The following GCNT2 variants were observed in gnomAD, a reference collection of about 807,000 sequenced individuals.
GCNT2 encodes glucosaminyl (N-acetyl) transferase 2 (I blood group).
In GCNT2, 34 loss-of-function variants were observed where a neutral mutation model predicts 34.2. That is an observed-to-expected ratio of 1.00 (90% CI 0.76 to 1.32). The LOEUF (loss-of-function observed/expected upper bound fraction) is 1.32, where lower values mean the gene tolerates loss of function less well. Among genes scored for constraint, GCNT2 ranks in the 40% most tolerant of loss-of-function variants. The probability of loss-of-function intolerance (pLI) is 0.00; values close to 1 mark genes in which losing one functional copy is unlikely to be tolerated. For synonymous variants in GCNT2, 212 were observed against 188.0 expected (o/e 1.13, Z -1.04); for missense variants, 584 against 489.4 (o/e 1.19, Z -1.82).
Position 10,529,398 on chromosome 6 carries a change from G to A in GCNT2, c.487G>A (p.Gly163Arg), listed in dbSNP as rs779353582. 6 of 1,613,968 alleles carry A rather than the reference G, an allele frequency of 3.7e-6. No individual in the cohort carries two copies. In the African/African-American group the frequency reaches 6.7e-5, roughly 18 times the overall value. Residue 163 changes from glycine (G) to arginine (R), a missense_variant, in exon 3 of 5, where the codon GGG becomes AGG. By Grantham distance (125) the Gly-to-Arg change is moderately radical (BLOSUM62 -2). Transcript: ENST00000495262. ...ASKKESVVYG[G>R]ISRLQADLNC... ...CAAGAAGGAGTCGGTTGTCTATGGG[G>A]GGATCTCCAGGCTCCAGGCTGACCT...
intron 3 of GCNT2, among the ~76,000 whole-genome samples, chr6:10,548,653 C>T (rs1309765124): frequency 6.6e-6 from 1 of 152,166 alleles, no homozygotes; most frequent in Non-Finnish European, 1.5e-5. Context: ...TTTTTTCTAT[C>T]TGGCTTGCTT....
At chr6:10,547,174 A>G (rs1427080755) in intron 3 of GCNT2, among the ~76,000 whole-genome samples, 4 of 152,162 alleles carry the variant, frequency 2.6e-5, no homozygotes, top group Admixed American at 6.5e-5. Flanking sequence ...TCTCTTATTC[A>G]TATATTTTTC....
At chr6:10,563,021 G>A (rs1244899829) in intron 3 of GCNT2, among the ~76,000 whole-genome samples, 1 of 152,130 alleles carries the variant, frequency 6.6e-6, no homozygotes, top group Admixed American at 6.5e-5. Context: ...AGTTGGGTGT[G>A]GTGCACGCCT....
At chr6:10,625,320 T>C (rs951304947) in intron 4 of GCNT2, among the ~76,000 whole-genome samples, 2 of 152,170 alleles carry the variant, frequency 1.3e-5, no homozygotes, top group African/African-American at 4.8e-5. Context: ...TCTTCAAAAA[T>C]CTTTAAGGAC....
rs746184434 is a variant in GCNT2, at chr6:10,528,861, A to T, written c.-51A>T. On this transcript the variant is annotated 5_prime_UTR_variant, in exon 3 of 5. Coordinates refer to ENST00000495262, the MANE Select transcript of GCNT2 (RefSeq NM_145649.5). ...GAAAATGTAAGTTAAATATATCTACACTCTGATCCTATCTCAAGAGAGAGA... is the reference window on the plus strand; with the variant it reads ...GAAAATGTAAGTTAAATATATCTACTCTCTGATCCTATCTCAAGAGAGAGA... The T allele has an allele frequency of 1.1e-4, 145 of 1,379,514 alleles. No homozygotes were observed. The highest frequency in any genetic ancestry group is 1.4e-5 in the Non-Finnish European group (14 of 967,740). The allele number at this position is 1,379,514 out of a possible 1,614,324, so 85.5% of individuals were successfully genotyped here.
intron 3 of GCNT2, among the ~76,000 whole-genome samples, chr6:10,617,967 C>G (rs1442998484): frequency 6.6e-6 from 1 of 151,572 alleles, no homozygotes. Flanking sequence ...GTTGGACAGG[C>G]TGGTCTTGAA....
chr6:10,618,023 G>A (rs1765870103), intron 3 of GCNT2, among the ~76,000 whole-genome samples: 1 of 152,088 alleles, frequency 6.6e-6, no homozygotes, highest in Non-Finnish European at 1.5e-5. Context: ...CCAAAGTGCT[G>A]GGATTACAGG....
At chr6:10,606,146 C>T (rs1765301921) in intron 3 of GCNT2, among the ~76,000 whole-genome samples, 1 of 152,248 alleles carries the variant, frequency 6.6e-6, no homozygotes, top group Non-Finnish European at 1.5e-5. Flanking sequence ...GAAACCCTGT[C>T]TCTACTAAAA....
intron 3 of GCNT2, among the ~76,000 whole-genome samples, chr6:10,620,616 A>G (rs1490638543): frequency 2.0e-5 from 3 of 152,144 alleles, no homozygotes; most frequent in Non-Finnish European, 4.4e-5. Flanking sequence ...TAGGTTGCCC[A>G]GGGATCTTCT....
At chr6:10,621,512 C>T (rs1766035938) in intron 4 of GCNT2, 69 bp downstream of exon 4, 1 of 966,602 alleles carries the variant, frequency 1.0e-6, no homozygotes, top group Admixed American at 1.9e-5. Context: ...CTGTGGAATC[C>T]AGGGTTCTCA....
At chr6:10,544,540 G>A (rs1405699290) in intron 3 of GCNT2, among the ~76,000 whole-genome samples, 1 of 151,150 alleles carries the variant, frequency 6.6e-6, no homozygotes, top group Non-Finnish European at 1.5e-5. Context: ...GGAGGCGGAG[G>A]TTGCAGTGAG....
intron 3 of GCNT2, among the ~76,000 whole-genome samples, chr6:10,620,261 T>G (rs1765974629): frequency 6.6e-6 from 1 of 152,212 alleles, no homozygotes; most frequent in Admixed American, 6.5e-5. Flanking sequence ...TATTGAAATT[T>G]GGGTACAGAT....
intron 3 of GCNT2, among the ~76,000 whole-genome samples, chr6:10,549,186 C>A (rs972786985): frequency 1.3e-5 from 2 of 152,208 alleles, no homozygotes; most frequent in African/African-American, 2.4e-5. Context: ...CAACACACAG[C>A]CCTCACAACA....
chr6:10,531,833 T>A (rs1056100105), intron 3 of GCNT2, among the ~76,000 whole-genome samples: 1 of 149,978 alleles, frequency 6.7e-6, no homozygotes, highest in African/African-American at 2.4e-5. Flanking sequence ...ACACAGCAGT[T>A]CCAAAGAGAG....
rs1387571547 is a variant in GCNT2, at chr6:10,628,585, A to T, written c.*1978A>T. The stretch of plus-strand genomic sequence containing the variant: ...AAGCACAAACTGCCATTGGCTATAG[A>T]TGGGACTGTGTCCCCCCAAAATTCA... On this transcript the variant is annotated 3_prime_UTR_variant, in exon 5 of 5. Transcript: ENST00000495262. The T allele has an allele frequency of 6.6e-6, 1 of 152,228 alleles. No homozygotes were observed. Among genetic ancestry groups the T allele is most frequent in the Non-Finnish European group, 1.5e-5 (1 of 68,048 alleles). The allele number at this position is 152,228 out of a possible 1,614,324, so 9.4% of individuals were successfully genotyped here. A position where few individuals can be genotyped will look rare whatever the true frequency, so the allele number is the denominator to read the frequency against.
chr6:10,620,274 C>T (rs1361360118), intron 3 of GCNT2, among the ~76,000 whole-genome samples: 1 of 152,162 alleles, frequency 6.6e-6, no homozygotes, highest in East Asian at 1.9e-4. Flanking sequence ...GTACAGATAG[C>T]ATTTGCACAG....
chr6:10,604,875 A>AAG (rs1765241768), intron 3 of GCNT2, among the ~76,000 whole-genome samples: 2 of 87,406 alleles, frequency 2.3e-5, no homozygotes, highest in Non-Finnish European at 6.2e-5. Flanking sequence ...AAGAAAAAGA[A>AAG]AAAGAAAGAA....
chr6:10,552,980 C>T (rs999494590), intron 3 of GCNT2, among the ~76,000 whole-genome samples: 3 of 152,190 alleles, frequency 2.0e-5, no homozygotes, highest in African/African-American at 4.8e-5. Flanking sequence ...CCTCTCAACG[C>T]GACTTTAACA....
At chr6:10,521,712 A>G (rs1182733068) in intron 1 of GCNT2, 1 of 151,596 alleles carries the variant, frequency 6.6e-6, no homozygotes. Flanking sequence ...TGATGGGCCT[A>G]CTGGGCACGA....
Sources: gnomAD v4.1 joint callset for allele counts (sites outside exome capture counted in the v4.1 genomes callset) on GRCh38, gnomAD v4.1.1 for gene constraint, MANE v1.5 for transcripts, NCBI Gene and HGNC (gene_info 2026-07-23, HGNC 2026-07-21) for gene names.